FAM107B: variants seen among roughly 807,000 people sequenced by gnomAD.
The protein encoded by FAM107B is family with sequence similarity 107 member B, also known as protein FAM107B.
A neutral mutation model predicts 31.5 loss-of-function variants in FAM107B; 21 were observed. The observed-to-expected ratio is 0.67, with a 90% CI of 0.47 to 0.96. The LOEUF (loss-of-function observed/expected upper bound fraction) is 0.96. Among genes scored for constraint, FAM107B ranks in the 40% least tolerant of loss-of-function variants. The pLI, the probability that FAM107B is intolerant of heterozygous loss-of-function variation, is 0.00. For synonymous variants in FAM107B, 157 were observed against 141.5 expected (o/e 1.11, Z -0.78); for missense variants, 452 against 377.1 (o/e 1.20, Z -1.64).
chr10:14,531,696 G>A (rs1351386834), intron 2 of FAM107B, among the ~76,000 whole-genome samples: 1 of 151,952 alleles, frequency 6.6e-6, no homozygotes, highest in African/African-American at 2.4e-5. Context: ...ACAAAAAATA[G>A]CCAGGCGTGG....
At chr10:14,584,023 G>A (rs1256673424) in intron 2 of FAM107B, among the ~76,000 whole-genome samples, 1 of 152,202 alleles carries the variant, frequency 6.6e-6, no homozygotes, top group Non-Finnish European at 1.5e-5. Context: ...AATAAACACT[G>A]CCTTTCAGTA....
intron 2 of FAM107B, among the ~76,000 whole-genome samples, chr10:14,579,682 A>G (rs369424299): frequency 6.6e-6 from 1 of 152,220 alleles, no homozygotes; most frequent in African/African-American, 2.4e-5. Flanking sequence ...TTAGGAGATA[A>G]GAGGAGGATA....
At chr10:14,591,969 G>C (rs1032922538) in intron 2 of FAM107B, among the ~76,000 whole-genome samples, 3 of 152,166 alleles carry the variant, frequency 2.0e-5, no homozygotes, top group Admixed American at 1.3e-4. Flanking sequence ...TAAAGGAACT[G>C]TTCTATATGT....
rs563626308 is a variant in FAM107B, at chr10:14,765,157, C to A, written c.411+9096G>T. Among the ~76,000 whole-genome samples the A allele has an allele frequency of 1.2e-3, 182 of 152,334 alleles. 1 individual carries two copies. The highest frequency in any genetic ancestry group is 2.3e-3 in the Non-Finnish European group (156 of 68,036). Reference sequence around the variant, plus strand: ...CCTACTCACAGAACATGCCCTATTTCTAACTGAATTGGAAATGCAATGGTA... The same window carrying A: ...CCTACTCACAGAACATGCCCTATTTATAACTGAATTGGAAATGCAATGGTA... On this transcript the variant is annotated intron_variant, in intron 1 of 4. Coordinates refer to ENST00000181796, the MANE Select transcript of FAM107B (RefSeq NM_031453.4).
At chr10:14,546,382 C>T (rs1005187609) in intron 2 of FAM107B, among the ~76,000 whole-genome samples, 2 of 152,188 alleles carry the variant, frequency 1.3e-5, no homozygotes, top group Non-Finnish European at 2.9e-5. Context: ...TGTTTTGGCA[C>T]CGTGAGTAAC....
chr10:14,735,456 T>A (rs1008295281), intron 1 of FAM107B, among the ~76,000 whole-genome samples: 2 of 152,172 alleles, frequency 1.3e-5, no homozygotes, highest in African/African-American at 4.8e-5. Context: ...TGAAAGTCAA[T>A]TGGTGGCCTC....
chr10:14,725,984 C>T (rs1393388842), intron 1 of FAM107B, among the ~76,000 whole-genome samples: 1 of 148,224 alleles, frequency 6.7e-6, no homozygotes, highest in Non-Finnish European at 1.5e-5. Flanking sequence ...CAGCATCACA[C>T]CCGGCTAATT....
In FAM107B at chr10:14,547,122, T is replaced by C. The variant is rs141199498; in HGVS notation, c.470-16607A>G. ...CAACCCCAAGTCTGCCTTTCCAAAATAGTCCCAGGGTTCTTCTGGGTACAC... is the reference window on the plus strand; with the variant it reads ...CAACCCCAAGTCTGCCTTTCCAAAACAGTCCCAGGGTTCTTCTGGGTACAC... On this transcript the variant is annotated intron_variant, in intron 2 of 4. Coordinates refer to ENST00000181796, the MANE Select transcript of FAM107B (RefSeq NM_031453.4). Among the ~76,000 whole-genome samples, 191 of 152,302 alleles carry C rather than the reference T, an allele frequency of 1.3e-3. 1 individual carries two copies. The highest frequency in any genetic ancestry group is 4.4e-3 in the African/African-American group (184 of 41,560).
intron 1 of FAM107B, among the ~76,000 whole-genome samples, chr10:14,759,661 A>G (rs1833003199): frequency 6.6e-6 from 1 of 152,214 alleles, no homozygotes; most frequent in Admixed American, 6.5e-5. Flanking sequence ...AAATTAAAGG[A>G]TAAACCAATA....
At chr10:14,738,194 C>T (rs1398819910) in intron 1 of FAM107B, among the ~76,000 whole-genome samples, 1 of 152,192 alleles carries the variant, frequency 6.6e-6, no homozygotes, top group Non-Finnish European at 1.5e-5. Flanking sequence ...TAATAAATGA[C>T]TGGATTGGAA....
intron 1 of FAM107B, among the ~76,000 whole-genome samples, chr10:14,716,312 G>T (rs142343010): frequency 6.6e-6 from 1 of 152,200 alleles, no homozygotes; most frequent in African/African-American, 2.4e-5. Flanking sequence ...TCATCTGAAG[G>T]CTCCACTGGG....
At chr10:14,600,806 A>G (rs531338539) in intron 2 of FAM107B, among the ~76,000 whole-genome samples, 2 of 152,136 alleles carry the variant, frequency 1.3e-5, no homozygotes, top group South Asian at 4.2e-4. Context: ...CTCCCAGCTA[A>G]TTTTTAAAAA....
chr10:14,700,584 T>C (rs1289564090), intron 1 of FAM107B, among the ~76,000 whole-genome samples: 2 of 152,060 alleles, frequency 1.3e-5, no homozygotes, highest in African/African-American at 2.4e-5. Flanking sequence ...GGTGGGAGTC[T>C]GAAAGCCCAG....
chr10:14,714,471 G>C (rs78941833), intron 1 of FAM107B, among the ~76,000 whole-genome samples: 1 of 152,184 alleles, frequency 6.6e-6, no homozygotes, highest in East Asian at 1.9e-4. Context: ...CAGGAGAGCC[G>C]GCAGCAGGAG....
At chr10:14,747,971 G>A (rs993990841) in intron 1 of FAM107B, among the ~76,000 whole-genome samples, 3 of 152,192 alleles carry the variant, frequency 2.0e-5, no homozygotes, top group Non-Finnish European at 2.9e-5. Flanking sequence ...ACCACATGCA[G>A]CTACAGTGAA....
At chr10:14,603,065 A>C (rs1852456473) in intron 2 of FAM107B, among the ~76,000 whole-genome samples, 1 of 151,914 alleles carries the variant, frequency 6.6e-6, no homozygotes, top group South Asian at 2.1e-4. Context: ...TAAATTAAGC[A>C]AAGATGCCTT....
intron 2 of FAM107B, chr10:14,604,136 C>A: frequency 1.3e-6 from 1 of 768,888 alleles, no homozygotes; most frequent in Non-Finnish European, 1.6e-6. Context: ...CCCGGCCGCC[C>A]GCCCGCCGAG....
chr10:14,693,728 A>T (rs1855200936), intron 1 of FAM107B, among the ~76,000 whole-genome samples: 1 of 152,060 alleles, frequency 6.6e-6, no homozygotes. Flanking sequence ...GCTACTTTGT[A>T]CCCACTGACC....
At chr10:14,684,126 T>G (rs1854916615) in intron 1 of FAM107B, among the ~76,000 whole-genome samples, 1 of 152,200 alleles carries the variant, frequency 6.6e-6, no homozygotes, top group South Asian at 2.1e-4. Context: ...TGTCCTCATA[T>G]GCTGGAAGGG....
Sources: gnomAD v4.1 joint callset for allele counts (sites outside exome capture counted in the v4.1 genomes callset) on GRCh38, gnomAD v4.1.1 for gene constraint, MANE v1.5 for transcripts, NCBI Gene and HGNC (gene_info 2026-07-23, HGNC 2026-07-21) for gene names.